Variants in CTNNA3 observed in about 807,000 individuals in gnomAD.
The protein encoded by CTNNA3 is catenin alpha-3.
A neutral mutation model predicts 95.7 loss-of-function variants in CTNNA3; 76 were observed. The ratio of observed to expected loss-of-function variants is 0.79; its 90% CI spans 0.66 to 0.96. The LOEUF is 0.96. Among genes scored for constraint, CTNNA3 ranks in the 40% least tolerant of loss-of-function variants. CTNNA3 has a pLI of 0.00. For missense variants in CTNNA3, 1,191 were observed against 1,089.8 expected, an observed-to-expected ratio of 1.09 and a Z score of -1.31; for synonymous variants, 431 against 374.4, an observed-to-expected ratio of 1.15 and a Z score of -1.74.
At chr10:66,026,582 G>T (rs535467047) in intron 15 of CTNNA3, among the ~76,000 whole-genome samples, 1 of 152,174 alleles carries the variant, frequency 6.6e-6, no homozygotes, top group Admixed American at 6.5e-5. Context: ...CATTCTGCTA[G>T]GCCCTATTTG....
intron 17 of CTNNA3, 96 bp from the exon 18 acceptor site, chr10:65,920,713 C>A: frequency 7.4e-7 from 1 of 1,354,834 alleles, no homozygotes; most frequent in Non-Finnish European, 1.0e-6. Context: ...GTTGCCCCAG[C>A]TACTCAGGAG....
At chr10:67,086,349 A>G (rs1857306812) in intron 7 of CTNNA3, among the ~76,000 whole-genome samples, 1 of 152,036 alleles carries the variant, frequency 6.6e-6, no homozygotes, top group Admixed American at 6.6e-5. Context: ...GTTGGGACAG[A>G]ATATCACTTC....
chr10:66,969,862 A>C (rs916882846), intron 7 of CTNNA3, among the ~76,000 whole-genome samples: 3 of 152,134 alleles, frequency 2.0e-5, no homozygotes, highest in Admixed American at 1.3e-4. Flanking sequence ...TTTCCACAAC[A>C]TGGAGAGTAT....
At chr10:66,973,836 C>T (rs552711213) in intron 7 of CTNNA3, among the ~76,000 whole-genome samples, 1 of 152,230 alleles carries the variant, frequency 6.6e-6, no homozygotes, top group Non-Finnish European at 1.5e-5. Flanking sequence ...GTTGGCCAGG[C>T]TGGTCTTGAA....
chr10:67,031,329 A>G (rs933689354), intron 7 of CTNNA3, among the ~76,000 whole-genome samples: 13 of 152,198 alleles, frequency 8.5e-5, no homozygotes, highest in Non-Finnish European at 1.6e-4. Context: ...AAATGCAAGA[A>G]GTCAAGTGGT....
chr10:65,936,764 T>G lies in CTNNA3; in HGVS notation c.2401-16147A>C, dbSNP rs1034471360. Among the ~76,000 whole-genome samples the G allele has an allele frequency of 2.6e-5, 4 of 152,194 alleles. No individual in the cohort carries two copies. In the East Asian group the frequency reaches 7.7e-4, roughly 29 times the overall value. The stretch of plus-strand genomic sequence containing the variant: ...TAAACAAGTGACCATGGATGATTTA[T>G]TTAACTTTTCTGGGCCTCAGTTTTC... On this transcript the variant is annotated intron_variant, in intron 17 of 17. Transcript: ENST00000433211.
chr10:67,642,979 C>G (rs1380382094), intron 2 of CTNNA3, among the ~76,000 whole-genome samples: 2 of 151,412 alleles, frequency 1.3e-5, no homozygotes, highest in South Asian at 4.2e-4. Flanking sequence ...GGGTATATAC[C>G]CAAAGGAATA....
At chr10:67,563,917 G>A (rs1471100972) in intron 3 of CTNNA3, among the ~76,000 whole-genome samples, 2 of 149,230 alleles carry the variant, frequency 1.3e-5, no homozygotes, top group East Asian at 1.9e-4. Context: ...GGCCATCAGA[G>A]AAATGCAAAT....
intron 9 of CTNNA3, among the ~76,000 whole-genome samples, chr10:66,629,613 G>C (rs1845061470): frequency 6.6e-6 from 1 of 152,018 alleles, no homozygotes; most frequent in South Asian, 2.1e-4. Flanking sequence ...TTTTTCAGAT[G>C]CAAATTTGGT....
At chr10:67,421,509 A>G (rs1402365008) in intron 5 of CTNNA3, among the ~76,000 whole-genome samples, 1 of 152,198 alleles carries the variant, frequency 6.6e-6, no homozygotes, top group Non-Finnish European at 1.5e-5. Flanking sequence ...AAGACTACCC[A>G]CAAGGGCACC....
chr10:66,549,275 C>A (rs575286140), intron 10 of CTNNA3, among the ~76,000 whole-genome samples: 14 of 152,242 alleles, frequency 9.2e-5, no homozygotes, highest in African/African-American at 3.4e-4. Context: ...GGATTACAGG[C>A]GTGAGCCACC....
intron 7 of CTNNA3, among the ~76,000 whole-genome samples, chr10:67,090,628 A>T (rs1857574302): frequency 6.6e-6 from 1 of 152,112 alleles, no homozygotes; most frequent in Non-Finnish European, 1.5e-5. Context: ...TAGTCTTAGA[A>T]GGCTTAAAAT....
At chr10:67,319,473 A>G in intron 5 of CTNNA3, among the ~76,000 whole-genome samples, 1 of 152,220 alleles carries the variant, frequency 6.6e-6, no homozygotes, top group East Asian at 1.9e-4. Flanking sequence ...AATATTTATT[A>G]AATAAGTACA....
At chr10:66,823,013 A>G (rs1347071797) in intron 7 of CTNNA3, among the ~76,000 whole-genome samples, 1 of 152,236 alleles carries the variant, frequency 6.6e-6, no homozygotes, top group Admixed American at 6.5e-5. Flanking sequence ...TGAGAAGACA[A>G]CTACAATTAC....
At chr10:67,010,131 T>C (rs1852229185) in intron 7 of CTNNA3, among the ~76,000 whole-genome samples, 1 of 152,192 alleles carries the variant, frequency 6.6e-6, no homozygotes, top group Non-Finnish European at 1.5e-5. Context: ...ACTAGTACTA[T>C]GGCATTACAA....
intron 11 of CTNNA3, among the ~76,000 whole-genome samples, chr10:66,389,299 A>G (rs2092917688): frequency 6.6e-6 from 1 of 152,144 alleles, no homozygotes; most frequent in Non-Finnish European, 1.5e-5. Context: ...ATGTTATTAT[A>G]GAACAAGCAC....
chr10:66,305,723 C>G (rs988118416), intron 12 of CTNNA3, among the ~76,000 whole-genome samples: 1 of 152,144 alleles, frequency 6.6e-6, no homozygotes, highest in South Asian at 2.1e-4. Flanking sequence ...GAGCAATTAT[C>G]AATGACAACT....
chr10:66,786,447 G>A (rs1840748990), intron 7 of CTNNA3, among the ~76,000 whole-genome samples: 1 of 152,164 alleles, frequency 6.6e-6, no homozygotes, highest in Non-Finnish European at 1.5e-5. Flanking sequence ...TCAACTGCTG[G>A]TTTCCTACCT....
At chr10:66,111,457 A>T (rs1481727084) in intron 13 of CTNNA3, among the ~76,000 whole-genome samples, 1 of 152,234 alleles carries the variant, frequency 6.6e-6, no homozygotes, top group East Asian at 1.9e-4. Flanking sequence ...CAGTTCCATT[A>T]TAGCCTTCTT....
Sources: gnomAD v4.1 joint callset for allele counts (sites outside exome capture counted in the v4.1 genomes callset) on GRCh38, gnomAD v4.1.1 for gene constraint, MANE v1.5 for transcripts, NCBI Gene and HGNC (gene_info 2026-07-23, HGNC 2026-07-21) for gene names.